POLA1: variants seen among roughly 807,000 people sequenced by gnomAD.
POLA1 encodes DNA polymerase alpha 1, catalytic subunit.
Under a neutral mutation model 124.0 loss-of-function variants are expected in POLA1, and 15 were observed. That is an observed-to-expected ratio of 0.12 (90% CI 0.08 to 0.19). POLA1 has a LOEUF of 0.19. POLA1 is among the 10% of genes least tolerant of loss of function. The pLI is 1.00. For missense variants in POLA1, 886 were observed against 1,103.4 expected (o/e 0.80, Z 2.79); for synonymous variants, 408 against 389.4 (o/e 1.05, Z -0.56).
At chrX:24,745,240 C>T (rs993090274) in intron 23 of POLA1, among the ~76,000 whole-genome samples, 178 bp from the exon 24 acceptor site, 18 of 110,585 alleles carry the variant, frequency 1.6e-4, no homozygotes, top group African/African-American at 4.6e-4. Flanking sequence ...TTCACTAATC[C>T]GCATCATTTT....
chrX:24,882,075 G>A (rs545622572), intron 34 of POLA1, among the ~76,000 whole-genome samples: 1 of 110,643 alleles, frequency 9.0e-6, no homozygotes, highest in South Asian at 3.9e-4. Flanking sequence ...AACCAGGGAG[G>A]AGGCTACTGA....
chrX:24,788,815 T>G (rs1052034877), intron 26 of POLA1: 2 of 1,193,953 alleles, frequency 1.7e-6, no homozygotes, highest in African/African-American at 3.5e-5. Context: ...CTGTAGTGTC[T>G]TCCACATCGG....
chrX:24,803,374 T>G (rs1466172710), intron 26 of POLA1, among the ~76,000 whole-genome samples: 3 of 111,390 alleles, frequency 2.7e-5, no homozygotes, highest in Non-Finnish European at 5.7e-5. Context: ...CATCCTGCAA[T>G]AGACACAGGA....
chrX:24,974,717 C>G (rs923232163), intron 36 of POLA1, among the ~76,000 whole-genome samples: 1 of 111,321 alleles, frequency 9.0e-6, no homozygotes, highest in Admixed American at 9.5e-5. Context: ...GGGCTTAAAA[C>G]CTAGATGATG....
chrX:24,799,662 A>G (rs780392851), intron 26 of POLA1, among the ~76,000 whole-genome samples: 2 of 111,981 alleles, frequency 1.8e-5, no homozygotes, highest in South Asian at 7.6e-4. Flanking sequence ...CCAAGCCATT[A>G]TTAGAAATTA....
At chrX:24,809,751 T>G (rs1219199975) in intron 26 of POLA1, 147 bp from the exon 27 acceptor site, 3 of 392,291 alleles carry the variant, frequency 7.6e-6, no homozygotes, top group African/African-American at 2.6e-5. Flanking sequence ...ATGTTACTGT[T>G]ATTTTAAGGG....
At chrX:24,750,280 G>A (rs1407644701) in intron 26 of POLA1, among the ~76,000 whole-genome samples, 2 of 112,435 alleles carry the variant, frequency 1.8e-5, no homozygotes, top group African/African-American at 6.5e-5. Context: ...ACTCTGTCCA[G>A]TAGAACTTTA....
At chrX:24,755,667 T>G (rs1177032328) in intron 26 of POLA1, among the ~76,000 whole-genome samples, 1 of 111,903 alleles carries the variant, frequency 8.9e-6, no homozygotes. Context: ...ATGCAGAAGT[T>G]TCTAATTTTA....
chrX:24,917,332 T>C (rs892098594), intron 35 of POLA1, among the ~76,000 whole-genome samples: 1 of 111,065 alleles, frequency 9.0e-6, no homozygotes, highest in African/African-American at 3.3e-5. Flanking sequence ...CATCTTTTTG[T>C]TGGCTCTGTT....
chrX:24,926,039 G>GT (rs770513358), intron 35 of POLA1, among the ~76,000 whole-genome samples: 4,459 of 100,323 alleles, frequency 0.044, 123 homozygotes, highest in Non-Finnish European at 0.068. Flanking sequence ...TCTACTAAAA[G>GT]TTTTTTTTTT....
At position 24,742,124 on chromosome X, in the gene POLA1, G is replaced by A; in HGVS notation, c.2466+3G>A. 2 of 1,199,295 alleles carry A rather than the reference G, an allele frequency of 1.7e-6. No homozygotes were observed. Among genetic ancestry groups the A allele is most frequent in the Non-Finnish European group, 2.3e-6 (2 of 888,058 alleles). On this transcript the variant is annotated splice_donor_region_variant and intron_variant, in intron 22 of 36. Transcript: ENST00000379068. ...TCAGAAAGCCTCAGCAAAAACTGGT[G>A]GGTCCAAAACTGTGTAGTATTTTGT...
chrX:24,891,020 A>C (rs1248935144), intron 35 of POLA1, among the ~76,000 whole-genome samples: 2 of 112,370 alleles, frequency 1.8e-5, no homozygotes, highest in African/African-American at 6.5e-5. Context: ...AAAATCAACC[A>C]GTTTTATGAT....
chrX:24,987,243 G>A (rs754818186), intron 36 of POLA1, among the ~76,000 whole-genome samples: 22 of 111,758 alleles, frequency 2.0e-4, no homozygotes, highest in Non-Finnish European at 3.4e-4. Context: ...TCCTTGCCCC[G>A]TTGAGCACTC....
chrX:24,737,762 C>A, intron 19 of POLA1, 21 bp downstream of exon 19: 1 of 771,631 alleles, frequency 1.3e-6, no homozygotes, highest in Non-Finnish European at 1.9e-6. Context: ...TTTTCAAAAT[C>A]TTATTTATCT....
At chrX:24,751,700 T>C (rs1932329427) in intron 26 of POLA1, among the ~76,000 whole-genome samples, 1 of 112,139 alleles carries the variant, frequency 8.9e-6, no homozygotes, top group Non-Finnish European at 1.9e-5. Flanking sequence ...ATTTTTAAAG[T>C]ATTGGTGATA....
chrX:24,861,080 C>T (rs2046709379), intron 34 of POLA1, among the ~76,000 whole-genome samples: 1 of 112,521 alleles, frequency 8.9e-6, no homozygotes, highest in Admixed American at 9.4e-5. Context: ...ACATCTATTA[C>T]AATGCCATAG....
chrX:24,940,196 A>G (rs748445981), intron 36 of POLA1, among the ~76,000 whole-genome samples: 4 of 111,988 alleles, frequency 3.6e-5, no homozygotes, highest in African/African-American at 6.5e-5. Context: ...CAATAAAGCT[A>G]TGATGCCTTT....
At chrX:24,735,085 C>G in intron 17 of POLA1, among the ~76,000 whole-genome samples, 1 of 112,000 alleles carries the variant, frequency 8.9e-6, no homozygotes, top group Non-Finnish European at 1.9e-5. Context: ...TTGATAGGTA[C>G]TCTGATTCAT....
chrX:24,884,133 ATATT>A (rs946903110), intron 34 of POLA1, among the ~76,000 whole-genome samples: 37 of 111,278 alleles, frequency 3.3e-4, no homozygotes, highest in African/African-American at 1.1e-3. Context: ...AATACCTGTT[ATATT>A]TATTTATTTT....
Sources: gnomAD v4.1 joint callset for allele counts (sites outside exome capture counted in the v4.1 genomes callset) on GRCh38, gnomAD v4.1.1 for gene constraint, MANE v1.5 for transcripts, NCBI Gene and HGNC (gene_info 2026-07-23, HGNC 2026-07-21) for gene names.